The following USH2A variants were observed in gnomAD, a reference collection of about 807,000 sequenced individuals.
USH2A encodes Usher syndrome 2A (autosomal recessive, mild).
In USH2A, 443 loss-of-function variants were observed where a neutral mutation model predicts 538.9. That is an observed-to-expected ratio of 0.82 (90% CI 0.76 to 0.89). The LOEUF (loss-of-function observed/expected upper bound fraction) is 0.89, where lower values mean the gene tolerates loss of function less well. Ranked by LOEUF, USH2A falls within the 40% of genes least tolerant of loss-of-function variation. USH2A has a pLI of 0.00. For synonymous variants in USH2A, 2,413 were observed against 2,273.5 expected (o/e 1.06, Z -1.75); for missense variants, 6,633 against 6,324.8 (o/e 1.05, Z -1.65).
chr1:216,273,307 A>G (rs1032697296), intron 11 of USH2A, among the ~76,000 whole-genome samples: 56 of 152,078 alleles, frequency 3.7e-4, no homozygotes, highest in African/African-American at 1.3e-3. Context: ...GGAACTGAAG[A>G]GCCGAGGGCA....
chr1:216,351,885 G>C (rs2038294806), intron 4 of USH2A, among the ~76,000 whole-genome samples: 1 of 151,816 alleles, frequency 6.6e-6, no homozygotes, highest in South Asian at 2.1e-4. Flanking sequence ...TGACAAGGAT[G>C]ACTCCAAATC....
chr1:216,164,258 T>G (rs2034124122), intron 21 of USH2A, among the ~76,000 whole-genome samples: 1 of 152,112 alleles, frequency 6.6e-6, no homozygotes, highest in Non-Finnish European at 1.5e-5. Flanking sequence ...TGAAACACAG[T>G]TTAGGGAAAA....
At chr1:215,755,437 G>A (rs1660762327) in intron 58 of USH2A, among the ~76,000 whole-genome samples, 1 of 152,100 alleles carries the variant, frequency 6.6e-6, no homozygotes, top group African/African-American at 2.4e-5. Context: ...ATATATATTT[G>A]TGACTATTCA....
rs183136710 is a variant in USH2A, at chr1:216,217,975, C to T, written c.2994-425G>A. On this transcript the variant is annotated intron_variant, in intron 14 of 71. Transcript: ENST00000307340. ...ATCTTTTCAAGTGACTCTCCAATTG[C>T]GAAATAGAAAATCAGGGGTAAATCA... is the stretch of plus-strand genomic sequence containing the variant. Among the ~76,000 whole-genome samples, 628 of 151,996 alleles carry T rather than the reference C, an allele frequency of 4.1e-3. 7 individuals carry two copies. Among genetic ancestry groups the T allele is most frequent in the African/African-American group, 0.015 (602 of 41,502 alleles).
At chr1:216,020,757 AT>A (rs1668827269) in intron 32 of USH2A, among the ~76,000 whole-genome samples, 1 of 152,148 alleles carries the variant, frequency 6.6e-6, no homozygotes, top group Non-Finnish European at 1.5e-5. Flanking sequence ...ATGGCTAATG[AT>A]TTGATCAATC....
chr1:215,903,951 T>A (rs923157711), intron 38 of USH2A, among the ~76,000 whole-genome samples: 1 of 152,142 alleles, frequency 6.6e-6, no homozygotes, highest in South Asian at 2.1e-4. Context: ...TTGATATTTT[T>A]ATCTATGAAC....
At chr1:215,976,207 T>G (rs1372776958) in intron 35 of USH2A, among the ~76,000 whole-genome samples, 1 of 152,220 alleles carries the variant, frequency 6.6e-6, no homozygotes, top group Non-Finnish European at 1.5e-5. Context: ...TTCCAGGAAC[T>G]TTCTGGTGGA....
intron 4 of USH2A, among the ~76,000 whole-genome samples, chr1:216,355,307 A>AAAAAAAGAAAG (rs2038363701): frequency 9.7e-6 from 1 of 103,376 alleles, no homozygotes; most frequent in African/African-American, 4.5e-5. Context: ...CTCTGCTTCA[A>AAAAAAAGAAAG]AAAGAAAGAA....
Position 216,070,197 on chromosome 1 carries a change from C to T in USH2A, c.5953G>A (p.Glu1985Lys), listed in dbSNP as rs150143291. 1.5e-5 allele frequency: 25 copies of T among 1,613,842 alleles called. No homozygotes were observed. The East Asian group carries it at 4.5e-4, about 29-fold the overall frequency. Residue 1985 changes from glutamate (E) to lysine (K), a missense_variant, in exon 30 of 72, where the codon GAG becomes AAG. Coordinates refer to ENST00000307340, the MANE Select transcript of USH2A (RefSeq NM_206933.4). The part of the protein sequence containing the change: ...WDEPVVRGVI[E>K]KYILKAYSED... ...CTATAGGCTTTCAGAATGTACTTCT[C>T]AATTACACCTCTGACAACAGGTTCA...
At chr1:215,964,043 G>A (rs966127747) in intron 37 of USH2A, among the ~76,000 whole-genome samples, 3 of 152,086 alleles carry the variant, frequency 2.0e-5, no homozygotes, top group African/African-American at 4.8e-5. Flanking sequence ...ATTTAATACC[G>A]TTTTGATGGT....
rs1210056457 is a variant in USH2A, at chr1:216,048,498, G to A, written c.6163+36C>T. The A allele has an allele frequency of 3.2e-6, 5 of 1,578,772 alleles. No individual in the cohort carries two copies. In the South Asian group the frequency reaches 4.4e-5, roughly 14 times the overall value. ...TTCTCCTATTTTATTATTCATGACT[G>A]AAATGTGGAAGTCAAGACCTTTGAA... On this transcript the variant is annotated intron_variant, in intron 31 of 71. Transcript: ENST00000307340.
intron 32 of USH2A, among the ~76,000 whole-genome samples, chr1:216,020,512 C>G (rs1668822402): frequency 6.6e-6 from 1 of 152,050 alleles, no homozygotes; most frequent in Non-Finnish European, 1.5e-5. Context: ...GGTCTTTGTA[C>G]CAGGTTTCTG....
Position 215,934,807 on chromosome 1 carries a change from A to G in USH2A, c.7121-12T>C. The G allele has an allele frequency of 6.3e-7, 1 of 1,597,690 alleles. No individual in the cohort carries two copies. Among genetic ancestry groups the G allele is most frequent in the Non-Finnish European group, 8.5e-7 (1 of 1,169,688 alleles). ...GTAGTTATTACCTACTGATTAAAAA[A>G]GAAAATTATTAAAATAAATACATAT... On this transcript the variant is annotated splice_polypyrimidine_tract_variant and intron_variant, in intron 37 of 71. Transcript: ENST00000307340.
At chr1:216,020,387 T>G (rs1034209000) in intron 32 of USH2A, among the ~76,000 whole-genome samples, 4 of 152,156 alleles carry the variant, frequency 2.6e-5, no homozygotes, top group African/African-American at 9.7e-5. Context: ...TTGAAAGCCT[T>G]TAGAGCAAAG....
At chr1:216,285,167 A>ACC (rs2036857234) in intron 11 of USH2A, among the ~76,000 whole-genome samples, 1 of 152,196 alleles carries the variant, frequency 6.6e-6, no homozygotes, top group Non-Finnish European at 1.5e-5. Context: ...TGTCTCCAGG[A>ACC]CATGTCTCAT....
At chr1:215,656,461 A>G (rs904147649) in intron 64 of USH2A, among the ~76,000 whole-genome samples, 47 of 152,326 alleles carry the variant, frequency 3.1e-4, no homozygotes, top group African/African-American at 1.0e-3. Flanking sequence ...GCTGATGTCT[A>G]TTTGGTCTTA....
At chr1:215,736,821 T>C (rs928657021) in intron 60 of USH2A, among the ~76,000 whole-genome samples, 1 of 151,950 alleles carries the variant, frequency 6.6e-6, no homozygotes, top group Non-Finnish European at 1.5e-5. Context: ...AGCTGACAGA[T>C]TTGGAAGACT....
rs115993778 is a variant in USH2A at position 215,835,639 on chromosome 1, T to C, written c.9371+2352A>G. 2.1e-3 allele frequency among the ~76,000 whole-genome samples: 313 copies of C among 152,268 alleles called. 3 individuals carry two copies. Among genetic ancestry groups the C allele is most frequent in the African/African-American group, 7.0e-3 (291 of 41,550 alleles). Reference sequence around the variant, plus strand: ...ATTCCAAACACTTATTTGTTAACAGTTGTGTCTCACCCCATGATTTCAGCT... The same window carrying C: ...ATTCCAAACACTTATTTGTTAACAGCTGTGTCTCACCCCATGATTTCAGCT... On this transcript the variant is annotated intron_variant, in intron 47 of 71. Coordinates refer to ENST00000307340, the MANE Select transcript of USH2A (RefSeq NM_206933.4).
At chr1:216,247,356 T>A (rs2036073062) in intron 12 of USH2A, 130 bp from the exon 13 acceptor site, 2 of 1,101,270 alleles carry the variant, frequency 1.8e-6, no homozygotes, top group Non-Finnish European at 2.6e-6. Flanking sequence ...AGCAATGCCA[T>A]AGGGGGCCAA....
Sources: allele counts gnomAD v4.1 joint callset (sites outside exome capture counted in the v4.1 genomes callset), GRCh38; gene constraint gnomAD v4.1.1; transcripts MANE v1.5; gene names NCBI Gene and HGNC (gene_info 2026-07-23, HGNC 2026-07-21).